The following RPRD2 variants were observed in gnomAD, a reference collection of about 807,000 sequenced individuals.
The protein encoded by RPRD2 is regulation of nuclear pre-mRNA domain containing 2, also known as regulation of nuclear pre-mRNA domain-containing protein 2.
Under a neutral mutation model 104.4 loss-of-function variants are expected in RPRD2, and 12 were observed. That is an observed-to-expected ratio of 0.11 (90% CI 0.07 to 0.19). The LOEUF (loss-of-function observed/expected upper bound fraction) is 0.19. Ranked by LOEUF, RPRD2 falls within the 10% of genes least tolerant of loss-of-function variation. RPRD2 has a pLI of 1.00. For synonymous variants in RPRD2, 714 were observed against 684.9 expected (o/e 1.04, Z -0.66); for missense variants, 1,543 against 1,790.1 (o/e 0.86, Z 2.49).
At chr1:150,396,861 G>A (rs1776270) in intron 1 of RPRD2, among the ~76,000 whole-genome samples, 92,991 of 152,032 alleles carry the variant, frequency 0.61, 29,043 homozygotes, top group African/African-American at 0.66. Context: ...CCAATGGAAC[G>A]GAATAATGTA....
chr1:150,435,922 A>G (rs1665958046), intron 2 of RPRD2, among the ~76,000 whole-genome samples: 2 of 152,232 alleles, frequency 1.3e-5, no homozygotes, highest in Admixed American at 6.5e-5. Context: ...CTCTCTTGTT[A>G]GGAGCTAATA....
In RPRD2 at chr1:150,457,323, A is replaced by G. The variant is rs782044499; in HGVS notation, c.906A>G (p.Leu302=). ...CCTTTGCTAACCGAGTAAACAATTT[A>G]AAGAAGAAGTTGGATCAATTGAAGT... ...YKTFANRVNN[L]KKKLDQLKST... The change falls in exon 8 of 11, where the codon TTA becomes TTG. Residue 302 remains leucine, a synonymous_variant. Transcript: ENST00000369068. The G allele has an allele frequency of 3.1e-6, 5 of 1,609,242 alleles. No homozygotes were observed. In the Admixed American group the frequency reaches 6.7e-5, roughly 21 times the overall value.
intron 4 of RPRD2, 126 bp downstream of exon 4, chr1:150,442,084 T>G: frequency 1.7e-6 from 1 of 597,724 alleles, no homozygotes; most frequent in South Asian, 2.2e-5. Context: ...TCTGGGAGGC[T>G]CCCAGTGACC....
At chr1:150,462,454 A>C (rs587616392) in intron 9 of RPRD2, among the ~76,000 whole-genome samples, 24 of 142,370 alleles carry the variant, frequency 1.7e-4, no homozygotes, top group African/African-American at 6.3e-4. Context: ...TCAAAAAAAA[A>C]CAAAAAACAA....
rs587677760 is a variant in RPRD2 at position 150,459,427 on chromosome 1, AAC to A, written c.1154-629_1154-628del. On this transcript the variant is annotated intron_variant, in intron 8 of 10. Transcript: ENST00000369068. ...AGTTCTCAGGTTAATGGAAAAGAAA[AAC>A]ACAGGACAATTTATGAAAAATATCA... 4.4e-3 allele frequency among the ~76,000 whole-genome samples: 663 copies of A among 152,308 alleles called. 5 individuals are homozygous for A. The highest frequency in any genetic ancestry group is 0.015 in the African/African-American group (627 of 41,562).
At chr1:150,391,896 A>G (rs1211815562) in intron 1 of RPRD2, among the ~76,000 whole-genome samples, 2 of 151,988 alleles carry the variant, frequency 1.3e-5, no homozygotes, top group Non-Finnish European at 2.9e-5. Flanking sequence ...CAACAGAATG[A>G]GACTCCATCT....
intron 2 of RPRD2, among the ~76,000 whole-genome samples, chr1:150,430,418 C>T (rs1665474875): frequency 6.6e-6 from 1 of 152,114 alleles, no homozygotes; most frequent in Non-Finnish European, 1.5e-5. Context: ...CACCTATAAT[C>T]CCATCATGTG....
In RPRD2 at chr1:150,451,249, C is replaced by T. The variant is rs587719921; in HGVS notation, c.870+4848C>T. ...AAGTGATTCTGTGTTCTTCATGTTT[C>T]GTCTTGTCAGATGGCACACAAGTTT... On this transcript the variant is annotated intron_variant, in intron 7 of 10. Coordinates refer to ENST00000369068, the MANE Select transcript of RPRD2 (RefSeq NM_015203.5). 2.6e-5 allele frequency among the ~76,000 whole-genome samples: 4 copies of T among 152,258 alleles called. 1 individual carries two copies. In the South Asian group the frequency reaches 8.3e-4, roughly 32 times the overall value.
intron 1 of RPRD2, among the ~76,000 whole-genome samples, chr1:150,402,505 T>G (rs587637374): frequency 6.6e-6 from 1 of 151,008 alleles, no homozygotes; most frequent in African/African-American, 2.4e-5. Context: ...TAGTGAGACC[T>G]TCTCTCTACA....
chr1:150,444,452 T>C, intron 6 of RPRD2, 75 bp downstream of exon 6: 1 of 1,470,142 alleles, frequency 6.8e-7, no homozygotes, highest in Non-Finnish European at 9.3e-7. Context: ...TCATACTGGT[T>C]TACCTCATAA....
intron 1 of RPRD2, among the ~76,000 whole-genome samples, chr1:150,370,387 A>G (rs1553878131): frequency 6.6e-6 from 1 of 152,120 alleles, no homozygotes; most frequent in Non-Finnish European, 1.5e-5. Flanking sequence ...TGAAAGTTCT[A>G]CAATCTACAA....
chr1:150,421,138 A>G (rs1284075479), intron 2 of RPRD2, among the ~76,000 whole-genome samples: 1 of 152,220 alleles, frequency 6.6e-6, no homozygotes, highest in Non-Finnish European at 1.5e-5. Flanking sequence ...ATAGAAAGTC[A>G]TGATGATCAA....
intron 1 of RPRD2, among the ~76,000 whole-genome samples, chr1:150,368,852 C>T (rs1553877676): frequency 6.6e-6 from 1 of 152,184 alleles, no homozygotes; most frequent in African/African-American, 2.4e-5. Flanking sequence ...AGGCGATCTA[C>T]CCACCTCAGC....
intron 7 of RPRD2, among the ~76,000 whole-genome samples, chr1:150,451,146 A>C (rs1329003026): frequency 6.6e-6 from 1 of 152,128 alleles, no homozygotes; most frequent in Non-Finnish European, 1.5e-5. Context: ...ATTTTGTATA[A>C]TGTTTCCCAG....
intron 2 of RPRD2, among the ~76,000 whole-genome samples, chr1:150,438,288 CAAGAAAAGAA>C (rs1425253668): frequency 6.8e-6 from 1 of 146,024 alleles, no homozygotes; most frequent in Admixed American, 6.8e-5. Context: ...AGACTCATCT[CAAGAAAAGAA>C]AAGAAAAAAA....
At chr1:150,428,063 TAAAAC>T (rs1174805541) in intron 2 of RPRD2, among the ~76,000 whole-genome samples, 1 of 152,102 alleles carries the variant, frequency 6.6e-6, no homozygotes, top group Admixed American at 6.6e-5. Context: ...AAAGATAACA[TAAAAC>T]TAAAGTGGTA....
Position 150,399,757 on chromosome 1 carries a change from A to AC in RPRD2, c.206-17839_206-17838insC, listed in dbSNP as rs1186873403. Among the ~76,000 whole-genome samples the AC allele has an allele frequency of 7.6e-3, 570 of 74,856 alleles. 1 individual carries two copies. The highest frequency in any genetic ancestry group is 0.015 in the Non-Finnish European group (349 of 23,928). The allele number at this position is 74,856 out of a possible 152,430, so 49.1% of individuals were successfully genotyped here. A position where few individuals can be genotyped will look rare whatever the true frequency, so the allele number is the denominator to read the frequency against. ...GGGTGACAGAGTGAGACCCCATCTCAAAAAAAAAAAAAAATTGATTGCCCA... is the reference window on the plus strand; with the variant it reads ...GGGTGACAGAGTGAGACCCCATCTCACAAAAAAAAAAAAAATTGATTGCCCA... On this transcript the variant is annotated intron_variant, in intron 1 of 10. Coordinates refer to ENST00000369068, the MANE Select transcript of RPRD2 (RefSeq NM_015203.5).
At chr1:150,380,660 A>T (rs1297539620) in intron 1 of RPRD2, among the ~76,000 whole-genome samples, 1 of 148,224 alleles carries the variant, frequency 6.7e-6, no homozygotes, top group Non-Finnish European at 1.5e-5. Context: ...ATTTTATTTT[A>T]TTTTTATTTT....
At chr1:150,379,038 T>G (rs921149083) in intron 1 of RPRD2, among the ~76,000 whole-genome samples, 7 of 147,570 alleles carry the variant, frequency 4.7e-5, no homozygotes, top group Non-Finnish European at 1.5e-5. Flanking sequence ...ATCCCAGTAC[T>G]TTGGGAGGCC....
Sources: allele counts gnomAD v4.1 joint callset (sites outside exome capture counted in the v4.1 genomes callset), GRCh38; gene constraint gnomAD v4.1.1; transcripts MANE v1.5; gene names NCBI Gene and HGNC (gene_info 2026-07-23, HGNC 2026-07-21).